Variants in LIG1 observed in about 807,000 individuals in gnomAD.
LIG1 encodes ligase I, DNA, ATP-dependent.
A neutral mutation model predicts 115.7 loss-of-function variants in LIG1; 70 were observed. The observed-to-expected ratio is 0.60, with a 90% CI of 0.50 to 0.74. The LOEUF is 0.74. LIG1 is among the 30% of genes least tolerant of loss of function. LIG1 has a pLI of 0.00. For synonymous variants in LIG1, 487 were observed against 495.3 expected (o/e 0.98, Z 0.22); for missense variants, 1,115 against 1,225.6 (o/e 0.91, Z 1.35).
chr19:48,145,637 G>A (rs1323517892), intron 9 of LIG1, among the ~76,000 whole-genome samples: 1 of 152,154 alleles, frequency 6.6e-6, no homozygotes, highest in Admixed American at 6.5e-5. Flanking sequence ...TTTAACAAGC[G>A]GTGGCCGGCA....
At chr19:48,161,183 C>T in intron 4 of LIG1, 189 bp downstream of exon 4, 1 of 736,898 alleles carries the variant, frequency 1.4e-6, no homozygotes, top group Non-Finnish European at 2.3e-6. Context: ...GGTGAAGGAG[C>T]CCACCCGAGG....
chr19:48,119,248 C>G, intron 24 of LIG1, 58 bp from the exon 25 acceptor site: 1 of 1,398,360 alleles, frequency 7.2e-7, no homozygotes, highest in East Asian at 2.5e-5. Context: ...AGCACTTGCT[C>G]CTGCCATCTA....
At chr19:48,125,890 A>T (rs2122445585) in intron 21 of LIG1, among the ~76,000 whole-genome samples, 1 of 150,120 alleles carries the variant, frequency 6.7e-6, no homozygotes, top group East Asian at 2.0e-4. Context: ...CGGGAGGCTG[A>T]GGCAGGGGAA....
rs36137616 is a variant in LIG1, at chr19:48,153,773, C to CTT, written c.466+98_466+99insAA. ...ACACACACACACACACACACACACA[C>CTT]CTCTCCTTCTGGGGGCTCACCTTCC... On this transcript the variant is annotated intron_variant, in intron 6 of 27. Transcript: ENST00000263274. 6.5e-3 allele frequency: 2,217 copies of CTT among 340,134 alleles called. 30 individuals are homozygous for CTT. Among genetic ancestry groups the CTT allele is most frequent in the African/African-American group, 0.011 (174 of 15,760 alleles). The allele number at this position is 340,134 out of a possible 1,614,324, so 21.1% of individuals were successfully genotyped here.
Position 48,161,437 on chromosome 19 carries a change from C to T in LIG1, c.178G>A (p.Ala60Thr). Residue 60 changes from alanine (A) to threonine (T), a missense_variant, in exon 4 of 28, where the codon GCG becomes ACG. Physicochemically the swap from Ala to Thr is moderately conservative, Grantham distance 58. Coordinates refer to ENST00000263274, the MANE Select transcript of LIG1 (RefSeq NM_000234.3). Reference protein sequence around the residue: ...DSPVKRPGRKAARVLGSEGEE... With the variant: ...DSPVKRPGRKTARVLGSEGEE... ...CCTTCGCTGCCCAGGACCCGGGCCGCCTTCCTCCCTGGCCTCTTCACCGGA... is the reference window on the plus strand; with the variant it reads ...CCTTCGCTGCCCAGGACCCGGGCCGTCTTCCTCCCTGGCCTCTTCACCGGA... 6.2e-7 allele frequency: 1 copy of T among 1,614,204 alleles called. No individual in the cohort carries two copies. The highest frequency in any genetic ancestry group is 8.5e-7 in the Non-Finnish European group (1 of 1,180,046).
At chr19:48,117,516 G>A in intron 26 of LIG1, 122 bp downstream of exon 26, 1 of 1,086,532 alleles carries the variant, frequency 9.2e-7, no homozygotes, top group South Asian at 1.5e-5. Context: ...TAAAATGCAA[G>A]CTCATCTTCC....
chr19:48,122,790 T>C lies in LIG1; in HGVS notation c.2232+144A>G, dbSNP rs1165668553. ...CAGCAGGGAGAAGGTCTGAACTCAGTTGCAGCAGGGGGCTGGGGTGGGATT... is the reference window on the plus strand; with the variant it reads ...CAGCAGGGAGAAGGTCTGAACTCAGCTGCAGCAGGGGGCTGGGGTGGGATT... On this transcript the variant is annotated intron_variant, in intron 23 of 27. Transcript: ENST00000263274. This position sits in a 1 kb window ranked among gnomAD's most constrained non-coding sequence, Gnocchi z 4.3. 3.7e-6 allele frequency: 3 copies of C among 810,362 alleles called. No individual in the cohort carries two copies. The highest frequency in any genetic ancestry group is 1.7e-5 in the African/African-American group (1 of 59,484). The allele number at this position is 810,362 out of a possible 1,614,324, so 50.2% of individuals were successfully genotyped here. A position where few individuals can be genotyped will look rare whatever the true frequency, so the allele number is the denominator to read the frequency against.
rs1478756435 is a variant in LIG1, at chr19:48,115,719, T to A, written c.2690A>T (p.Tyr897Phe). The A allele has an allele frequency of 6.2e-7, 1 of 1,613,878 alleles. No homozygotes were observed. The highest frequency in any genetic ancestry group is 1.3e-5 in the African/African-American group (1 of 74,910). The change falls in exon 28 of 28, where the codon TAC becomes TTC. Residue 897 changes from tyrosine (Y) to phenylalanine (F), a missense_variant. Coordinates refer to ENST00000263274, the MANE Select transcript of LIG1 (RefSeq NM_000234.3). ...ATTSAQVACL[Y>F]RKQSQIQNQQ... ...GTTCTGAATCTGACTTTGCTTCCGG[T>A]ACAAACAGGCCACCTGCGGAGAGAG...
intron 11 of LIG1, among the ~76,000 whole-genome samples, chr19:48,140,931 C>T (rs756572201): frequency 2.6e-5 from 4 of 152,208 alleles, no homozygotes; most frequent in Non-Finnish European, 4.4e-5. Context: ...ACAGCCAGCT[C>T]TGCGGGAATG....
chr19:48,164,540 T>C (rs980463990), intron 2 of LIG1, among the ~76,000 whole-genome samples: 4 of 152,080 alleles, frequency 2.6e-5, no homozygotes, highest in African/African-American at 9.7e-5. Flanking sequence ...GGTTCAGGGA[T>C]AGGTATGTGG....
chr19:48,142,442 C>CAAAAAAAAAAAAAAAAAAAAA lies in LIG1; in HGVS notation c.914+1100_914+1101insTTTTTTTTTTTTTTTTTTTTT, dbSNP rs561137392. 4.6e-3 allele frequency among the ~76,000 whole-genome samples: 347 copies of CAAAAAAAAAAAAAAAAAAAAA among 75,382 alleles called. 19 individuals are homozygous for CAAAAAAAAAAAAAAAAAAAAA. Among genetic ancestry groups the CAAAAAAAAAAAAAAAAAAAAA allele is most frequent in the East Asian group, 0.01 (16 of 1,560 alleles). The allele number at this position is 75,382 out of a possible 152,430, so 49.5% of individuals were successfully genotyped here. ...TGGGCAACAGAGCAAGACTCCATCTCAAAAAAAAAAAAAAACAGAGTGCTG... is the reference window on the plus strand; with the variant it reads ...TGGGCAACAGAGCAAGACTCCATCTCAAAAAAAAAAAAAAAAAAAAAAAAAAAAAAAAAAAACAGAGTGCTG... On this transcript the variant is annotated intron_variant, in intron 11 of 27. Transcript: ENST00000263274.
intron 26 of LIG1, chr19:48,116,170 G>A (rs893059511): frequency 8.6e-6 from 5 of 582,016 alleles, no homozygotes; most frequent in African/African-American, 3.7e-5. Context: ...TTGGCCGGGT[G>A]CGGTGGCTCA....
chr19:48,152,551 C>T (rs918245196), intron 6 of LIG1, among the ~76,000 whole-genome samples: 2 of 152,268 alleles, frequency 1.3e-5, no homozygotes, highest in South Asian at 4.1e-4. Flanking sequence ...CCCAGATGAT[C>T]AATCGATCAG....
rs557903264 is a variant in LIG1, at chr19:48,135,550, A to G, written c.1523+130T>C. The G allele has an allele frequency of 8.4e-5, 66 of 789,768 alleles. No individual in the cohort carries two copies. The African/African-American group carries it at 9.8e-4, about 12-fold the overall frequency. The allele number at this position is 789,768 out of a possible 1,614,324, so 48.9% of individuals were successfully genotyped here. On this transcript the variant is annotated intron_variant, in intron 16 of 27. Transcript: ENST00000263274. ...TAGATCACCACCTCTGCTCTCAGTC[A>G]CCCCGTGACCGGCACTCGTGATGCC... is the stretch of plus-strand genomic sequence containing the variant.
At chr19:48,154,112 G>T in intron 5 of LIG1, 145 bp from the exon 6 acceptor site, 1 of 733,966 alleles carries the variant, frequency 1.4e-6, no homozygotes, top group Non-Finnish European at 2.5e-6. Flanking sequence ...CCCCAGTGCA[G>T]GCCGCACCCT....
At chr19:48,139,481 G>A (rs1335837101) in intron 12 of LIG1, among the ~76,000 whole-genome samples, 4 of 152,034 alleles carry the variant, frequency 2.6e-5, no homozygotes, top group Non-Finnish European at 5.9e-5. Context: ...GCTCCCCAGT[G>A]TCCTCATGAT....
At chr19:48,162,175 AT>A in intron 3 of LIG1, 86 bp downstream of exon 3, 1 of 1,309,182 alleles carries the variant, frequency 7.6e-7, no homozygotes, top group Non-Finnish European at 1.1e-6. Context: ...GCCCCAAGAC[AT>A]TTTGCATTAG....
intron 9 of LIG1, among the ~76,000 whole-genome samples, chr19:48,147,860 T>C (rs1292521616): frequency 6.6e-6 from 1 of 152,108 alleles, no homozygotes; most frequent in Non-Finnish European, 1.5e-5. Flanking sequence ...TTTAAATTTC[T>C]TTCATGGCAG....
chr19:48,137,828 C>T lies in LIG1; in HGVS notation c.1088-140G>A. 9.3e-7 allele frequency: 1 copy of T among 1,071,658 alleles called. No homozygotes were observed. The highest frequency in any genetic ancestry group is 1.4e-6 in the Non-Finnish European group (1 of 735,886). 66.4% of individuals were successfully genotyped at this position (1,071,658 alleles called of 1,614,324 possible). On this transcript the variant is annotated intron_variant, in intron 12 of 27. Coordinates refer to ENST00000263274, the MANE Select transcript of LIG1 (RefSeq NM_000234.3). The surrounding 1 kb of genome is among the most constrained non-coding windows in gnomAD (Gnocchi z 4.3). ...TGCACCTCCCTGTGTCTAACGCTCACCCACTTGGTAGAAATGGCTTGGGGA... is the reference window on the plus strand; with the variant it reads ...TGCACCTCCCTGTGTCTAACGCTCATCCACTTGGTAGAAATGGCTTGGGGA...
Sources: allele counts gnomAD v4.1 joint callset (sites outside exome capture counted in the v4.1 genomes callset), GRCh38; gene constraint gnomAD v4.1.1; non-coding constraint Gnocchi (gnomAD v3.1); transcripts MANE v1.5; gene names NCBI Gene and HGNC (gene_info 2026-07-23, HGNC 2026-07-21).